The following CHL1 variants were observed in gnomAD, a reference collection of about 807,000 sequenced individuals.
CHL1 encodes the protein neural cell adhesion molecule L1-like protein.
A neutral mutation model predicts 141.9 loss-of-function variants in CHL1; 96 were observed. That is an observed-to-expected ratio of 0.68 (90% CI 0.57 to 0.80). The LOEUF (loss-of-function observed/expected upper bound fraction) is 0.80, where lower values mean the gene tolerates loss of function less well. Ranked by LOEUF, CHL1 falls within the 30% of genes least tolerant of loss-of-function variation. The probability of loss-of-function intolerance (pLI) is 0.00; values close to 1 mark genes in which losing one functional copy is unlikely to be tolerated. For missense variants in CHL1, 1,820 were observed against 1,457.2 expected (o/e 1.25, Z -4.05); for synonymous variants, 613 against 502.2 (o/e 1.22, Z -2.95).
chr3:289,687 T>C (rs1697489200), intron 2 of CHL1, among the ~76,000 whole-genome samples: 2 of 152,036 alleles, frequency 1.3e-5, no homozygotes, highest in African/African-American at 4.8e-5. Context: ...TATTGTATGC[T>C]CATTAATACA....
chr3:380,160 C>A (rs1461396084), intron 16 of CHL1, among the ~76,000 whole-genome samples: 1 of 152,134 alleles, frequency 6.6e-6, no homozygotes, highest in Admixed American at 6.5e-5. Flanking sequence ...TGAAGAGAAA[C>A]CAAAGTCCTC....
rs1222222637 is a variant in CHL1, at chr3:408,993, G to A, written c.*3282G>A. ...GGACAATAATGAGAAATGTTGGTGTGCTTTTCTAAGCATTTAAAACATAAT... is the reference window on the plus strand; with the variant it reads ...GGACAATAATGAGAAATGTTGGTGTACTTTTCTAAGCATTTAAAACATAAT... On this transcript the variant is annotated 3_prime_UTR_variant, in exon 28 of 28. Transcript: ENST00000256509. 6 of 151,976 alleles carry A rather than the reference G, an allele frequency of 3.9e-5. No homozygotes were observed. The highest frequency in any genetic ancestry group is 3.3e-4 in the Admixed American group (5 of 15,228). 9.4% of individuals were successfully genotyped at this position (151,976 alleles called of 1,614,324 possible).
At chr3:393,247 A>AAAAAAAAAGG (rs1708394943) in intron 23 of CHL1, among the ~76,000 whole-genome samples, 1 of 149,958 alleles carries the variant, frequency 6.7e-6, no homozygotes, top group Non-Finnish European at 1.5e-5. Context: ...AAAAAAAAAA[A>AAAAAAAAAGG]GTGTTAAGAA....
chr3:276,348 A>G (rs1057461882), intron 2 of CHL1, among the ~76,000 whole-genome samples: 7 of 152,340 alleles, frequency 4.6e-5, no homozygotes, highest in Admixed American at 2.0e-4. Flanking sequence ...TAAGAGTGTT[A>G]TAACCTTTCT....
chr3:283,194 A>G (rs565137695), intron 2 of CHL1, among the ~76,000 whole-genome samples: 1 of 152,346 alleles, frequency 6.6e-6, no homozygotes, highest in African/African-American at 2.4e-5. Context: ...ATAAAACTTG[A>G]TGATCACTTT....
intron 7 of CHL1, 64 bp from the exon 8 acceptor site, chr3:342,919 AT>A: frequency 7.5e-7 from 1 of 1,329,552 alleles, no homozygotes; most frequent in Non-Finnish European, 1.0e-6. Context: ...ATGACTTTTC[AT>A]TCTTTATTGA....
At chr3:334,387 T>G (rs1253278510) in intron 5 of CHL1, among the ~76,000 whole-genome samples, 1 of 152,120 alleles carries the variant, frequency 6.6e-6, no homozygotes, top group Non-Finnish European at 1.5e-5. Context: ...AATGTAGTAT[T>G]AAAACATTTC....
At chr3:328,529 C>A in intron 5 of CHL1, 175 bp downstream of exon 5, 1 of 470,236 alleles carries the variant, frequency 2.1e-6, no homozygotes, top group Non-Finnish European at 3.7e-6. Context: ...AATCGGATGA[C>A]CTTAGAAAAC....
At chr3:246,788 C>T (rs974887361) in intron 2 of CHL1, 2 of 152,064 alleles carry the variant, frequency 1.3e-5, no homozygotes, top group Non-Finnish European at 2.9e-5. Context: ...CAGATGAATA[C>T]ATATTTGTAT....
At chr3:314,871 T>G (rs1700047051) in intron 2 of CHL1, among the ~76,000 whole-genome samples, 1 of 152,126 alleles carries the variant, frequency 6.6e-6, no homozygotes, top group South Asian at 2.1e-4. Context: ...CTACAAAGTC[T>G]TATTACAGAG....
intron 1 of CHL1, among the ~76,000 whole-genome samples, chr3:224,638 A>T (rs975820337): frequency 6.6e-6 from 1 of 152,148 alleles, no homozygotes; most frequent in African/African-American, 2.4e-5. Flanking sequence ...AGCCAAGCAG[A>T]TGCCAGTGCC....
chr3:360,260 C>A, intron 11 of CHL1, 24 bp from the exon 12 acceptor site: 1 of 1,612,016 alleles, frequency 6.2e-7, no homozygotes, highest in Non-Finnish European at 8.5e-7. Context: ...CCTTATCAAA[C>A]TGACATTCTT....
chr3:364,862 A>C (rs891556176), intron 14 of CHL1, among the ~76,000 whole-genome samples: 3 of 152,160 alleles, frequency 2.0e-5, no homozygotes, highest in African/African-American at 7.2e-5. Context: ...AGTTGTTATA[A>C]TTATAAAATG....
At chr3:246,097 A>T (rs1693137537) in intron 2 of CHL1, among the ~76,000 whole-genome samples, 1 of 152,174 alleles carries the variant, frequency 6.6e-6, no homozygotes, top group Admixed American at 6.6e-5. Context: ...TTCCATTAAA[A>T]CACTTTTATG....
At chr3:346,629 T>G (rs1332405900) in intron 9 of CHL1, among the ~76,000 whole-genome samples, 1 of 152,164 alleles carries the variant, frequency 6.6e-6, no homozygotes, top group African/African-American at 2.4e-5. Flanking sequence ...AAATATATGT[T>G]GTTGTGAGGA....
chr3:395,005 A>G, intron 24 of CHL1, 133 bp downstream of exon 24: 2 of 749,234 alleles, frequency 2.7e-6, no homozygotes, highest in Non-Finnish European at 2.1e-6. Flanking sequence ...ACTCTGTCTG[A>G]CCTTCTGTTT....
At chr3:214,956 GCA>G (rs5845952) in intron 1 of CHL1, among the ~76,000 whole-genome samples, 53,693 of 150,230 alleles carry the variant, frequency 0.36, 9,759 homozygotes, top group South Asian at 0.51. Flanking sequence ...ATGTGCACGT[GCA>G]CACACACACA....
intron 16 of CHL1, among the ~76,000 whole-genome samples, chr3:379,256 C>T (rs1014509193): frequency 2.6e-4 from 39 of 152,004 alleles, no homozygotes; most frequent in African/African-American, 7.2e-4. Context: ...CTGTCTCGGG[C>T]GAAACAAATG....
intron 2 of CHL1, among the ~76,000 whole-genome samples, chr3:311,889 T>G (rs556476521): frequency 6.6e-5 from 10 of 152,140 alleles, no homozygotes; most frequent in Non-Finnish European, 1.3e-4. Flanking sequence ...AGAAAATAAC[T>G]TAATGTTGGG....
Sources: allele counts gnomAD v4.1 joint callset (sites outside exome capture counted in the v4.1 genomes callset), GRCh38; gene constraint gnomAD v4.1.1; transcripts MANE v1.5; gene names NCBI Gene and HGNC (gene_info 2026-07-23, HGNC 2026-07-21).